GOLGA7: variants seen among roughly 807,000 people sequenced by gnomAD.
The protein encoded by GOLGA7 is golgin subfamily A member 7.
GOLGA7 carries 10 observed loss-of-function variants against 21.1 expected under a neutral mutation model. The ratio of observed to expected loss-of-function variants is 0.47; its 90% CI spans 0.29 to 0.80. The LOEUF is 0.80. Among genes scored for constraint, GOLGA7 ranks in the 30% least tolerant of loss-of-function variants. GOLGA7 has a pLI of 0.08. For missense variants in GOLGA7, 114 were observed against 166.8 expected (o/e 0.68, Z 1.74); for synonymous variants, 64 against 62.6 (o/e 1.02, Z -0.10).
intron 2 of GOLGA7, among the ~76,000 whole-genome samples, chr8:41,504,827 C>T (rs1053516876): frequency 2.6e-5 from 4 of 152,136 alleles, no homozygotes; most frequent in African/African-American, 7.2e-5. Flanking sequence ...ATTGTGACAT[C>T]CTAATTTGTT....
intron 1 of GOLGA7, among the ~76,000 whole-genome samples, chr8:41,496,903 G>T (rs1333129789): frequency 6.7e-6 from 1 of 149,868 alleles, no homozygotes; most frequent in Non-Finnish European, 1.5e-5. Context: ...CACCTCCCGG[G>T]TTCACGCCAT....
intron 1 of GOLGA7, among the ~76,000 whole-genome samples, chr8:41,492,288 G>A (rs1373242437): frequency 6.6e-6 from 1 of 152,244 alleles, no homozygotes; most frequent in African/African-American, 2.4e-5. Flanking sequence ...AATTCAGCAA[G>A]TGGCCAGTTG....
intron 1 of GOLGA7, among the ~76,000 whole-genome samples, chr8:41,495,384 C>T (rs1805985807): frequency 6.6e-6 from 1 of 151,486 alleles, no homozygotes; most frequent in Non-Finnish European, 1.5e-5. Flanking sequence ...TCCCAGGCTC[C>T]AGCAATCCTC....
At chr8:41,506,079 A>G in intron 3 of GOLGA7, 67 bp downstream of exon 3, 1 of 822,840 alleles carries the variant, frequency 1.2e-6, no homozygotes, top group Non-Finnish European at 2.0e-6. Context: ...ATTGTTTGGC[A>G]TTGGCTAGAG....
intron 1 of GOLGA7, 134 bp from the exon 2 acceptor site, chr8:41,497,375 A>G (rs552273574): frequency 3.6e-6 from 2 of 555,764 alleles, no homozygotes; most frequent in East Asian, 5.5e-5. Flanking sequence ...AGTTTTGGTA[A>G]CTTAGGCCCA....
At chr8:41,507,216 C>T (rs954099042) in intron 4 of GOLGA7, 95 bp downstream of exon 4, 11 of 716,698 alleles carry the variant, frequency 1.5e-5, no homozygotes, top group South Asian at 5.9e-5. Context: ...CATTAAATCA[C>T]GCAGTTAAAT....
At chr8:41,500,441 G>A (rs751565331) in intron 2 of GOLGA7, among the ~76,000 whole-genome samples, 1 of 152,056 alleles carries the variant, frequency 6.6e-6, no homozygotes, top group South Asian at 2.1e-4. Flanking sequence ...GGAGAGGAGG[G>A]GCAGAGAATG....
chr8:41,495,950 G>A (rs1806001921), intron 1 of GOLGA7, among the ~76,000 whole-genome samples: 1 of 152,184 alleles, frequency 6.6e-6, no homozygotes, highest in African/African-American at 2.4e-5. Context: ...ATGGATGACA[G>A]TACAGGTTCT....
intron 2 of GOLGA7, among the ~76,000 whole-genome samples, chr8:41,502,153 T>TATG (rs1325235770): frequency 6.6e-6 from 1 of 152,272 alleles, no homozygotes; most frequent in Non-Finnish European, 1.5e-5. Context: ...ATAGTTAAGA[T>TATG]ATGATATACC....
Position 41,507,125 on chromosome 8 carries a change from A to C in GOLGA7, c.*15+4A>C, listed in dbSNP as rs369719989. ...AAGATAAACCGAAGAATTAAAGGTAAATATGAAATGATATGGCTTGTATGC... is the reference window on the plus strand; with the variant it reads ...AAGATAAACCGAAGAATTAAAGGTACATATGAAATGATATGGCTTGTATGC... On this transcript the variant is annotated splice_donor_region_variant and intron_variant, in intron 4 of 4. Coordinates refer to ENST00000357743, the MANE Select transcript of GOLGA7 (RefSeq NM_001002296.2). 9.7e-7 allele frequency: 1 copy of C among 1,032,442 alleles called. No individual in the cohort carries two copies. Among genetic ancestry groups the C allele is most frequent in the Admixed American group, 1.7e-5 (1 of 59,214 alleles). The allele number at this position is 1,032,442 out of a possible 1,614,324, so 64.0% of individuals were successfully genotyped here.
At chr8:41,499,440 G>A (rs1056708573) in intron 2 of GOLGA7, among the ~76,000 whole-genome samples, 1 of 152,316 alleles carries the variant, frequency 6.6e-6, no homozygotes, top group Non-Finnish European at 1.5e-5. Flanking sequence ...TGTGGGCTTG[G>A]AGAATGAGTG....
chr8:41,507,049 T>C lies in GOLGA7; in HGVS notation c.367-10T>C. On this transcript the variant is annotated splice_polypyrimidine_tract_variant and intron_variant, in intron 3 of 4. Transcript: ENST00000357743. ...CTGTAGTGTGTTTTCTTAACAGCCA[T>C]GCTGTTTAGATTGAAATTACCATTT... 1 of 1,271,822 alleles carries C rather than the reference T, an allele frequency of 7.9e-7. No individual in the cohort carries two copies. The highest frequency in any genetic ancestry group is 1.7e-5 in the Admixed American group (1 of 59,520). The allele number at this position is 1,271,822 out of a possible 1,614,324, so 78.8% of individuals were successfully genotyped here.
intron 2 of GOLGA7, among the ~76,000 whole-genome samples, chr8:41,504,120 T>TAAAAAAAAAAAAAAAAAA (rs58682911): frequency 8.3e-6 from 1 of 121,212 alleles, no homozygotes; most frequent in African/African-American, 3.2e-5. Context: ...TAGAGTATAA[T>TAAAAAAAAAAAAAAAAAA]AAAAAAAAAA....
At chr8:41,498,741 A>G (rs185966063) in intron 2 of GOLGA7, among the ~76,000 whole-genome samples, 30 of 152,252 alleles carry the variant, frequency 2.0e-4, no homozygotes, top group Admixed American at 1.9e-3. Context: ...TTTGCCTTTC[A>G]AGTATGTACT....
intron 2 of GOLGA7, among the ~76,000 whole-genome samples, chr8:41,500,173 G>A (rs1021357532): frequency 2.0e-5 from 3 of 152,188 alleles, no homozygotes; most frequent in African/African-American, 7.2e-5. Flanking sequence ...AGTGGTGAAA[G>A]CTGATAATAA....
Position 41,490,631 on chromosome 8 carries a change from G to T in GOLGA7, c.-224G>T, listed in dbSNP as rs900596102. 5 of 530,796 alleles carry T rather than the reference G, an allele frequency of 9.4e-6. No homozygotes were observed. Among genetic ancestry groups the T allele is most frequent in the African/African-American group, 8.0e-5 (4 of 49,894 alleles). The allele number at this position is 530,796 out of a possible 1,614,324, so 32.9% of individuals were successfully genotyped here. ...CAGAGGAGGCGGGTTTGTGTTTCCC[G>T]GGCCGAACCGGGTTGTGGGGGGCGC... On this transcript the variant is annotated 5_prime_UTR_variant, in exon 1 of 5. Coordinates refer to ENST00000357743, the MANE Select transcript of GOLGA7 (RefSeq NM_001002296.2).
chr8:41,500,300 C>T (rs1266585292), intron 2 of GOLGA7, among the ~76,000 whole-genome samples: 1 of 152,106 alleles, frequency 6.6e-6, no homozygotes, highest in Non-Finnish European at 1.5e-5. Flanking sequence ...TCAGAAGAGG[C>T]CTCTGAGGTG....
chr8:41,500,517 G>GTGTA (rs778507817), intron 2 of GOLGA7, among the ~76,000 whole-genome samples: 5 of 152,234 alleles, frequency 3.3e-5, no homozygotes, highest in Non-Finnish European at 7.3e-5. Context: ...ATGGAATGAA[G>GTGTA]TGTAGATTTT....
rs11321591 is a variant in GOLGA7, at chr8:41,491,675, T to TA, written c.111+726dup. ...TTCCCCTTCAGACCTAGCAAAACTT[T>TA]AAAAAAAAAAAAAAAATCATTGTAT... On this transcript the variant is annotated intron_variant, in intron 1 of 4. Transcript: ENST00000357743. Among the ~76,000 whole-genome samples the TA allele has an allele frequency of 2.8e-4, 42 of 148,634 alleles. 1 individual carries two copies. Among genetic ancestry groups the TA allele is most frequent in the Middle Eastern group, 3.4e-3 (1 of 292 alleles).
Sources: gnomAD v4.1 joint callset for allele counts (sites outside exome capture counted in the v4.1 genomes callset) on GRCh38, gnomAD v4.1.1 for gene constraint, MANE v1.5 for transcripts, NCBI Gene and HGNC (gene_info 2026-07-23, HGNC 2026-07-21) for gene names.